Variants in PCP4 observed in about 807,000 individuals in gnomAD.
PCP4 encodes the protein Purkinje cell protein 4, also known as calmodulin regulator protein PCP4.
In PCP4, 8 loss-of-function variants were observed where a neutral mutation model predicts 10.0. The ratio of observed to expected loss-of-function variants is 0.80; its 90% CI spans 0.47 to 1.45. The LOEUF (loss-of-function observed/expected upper bound fraction) is 1.45. Among genes scored for constraint, PCP4 ranks in the 40% most tolerant of loss-of-function variants. The probability of loss-of-function intolerance (pLI) is 0.00; values close to 1 mark genes in which losing one functional copy is unlikely to be tolerated. For synonymous variants in PCP4, 21 were observed against 23.0 expected (o/e 0.91, Z 0.24); for missense variants, 54 against 74.4 (o/e 0.73, Z 1.01).
chr21:39,894,271 C>T (rs1007501787), intron 1 of PCP4, among the ~76,000 whole-genome samples: 1 of 152,108 alleles, frequency 6.6e-6, no homozygotes. Flanking sequence ...CCTGCTTCCC[C>T]AGAAGAAAAG....
intron 2 of PCP4, among the ~76,000 whole-genome samples, chr21:39,903,336 A>AACAC (rs2087489817): frequency 6.6e-6 from 1 of 152,316 alleles, no homozygotes; most frequent in African/African-American, 2.4e-5. Context: ...AAGGTGTATG[A>AACAC]ACACACCTGA....
intron 2 of PCP4, among the ~76,000 whole-genome samples, chr21:39,921,844 G>T (rs1024896453): frequency 6.6e-6 from 1 of 152,162 alleles, no homozygotes; most frequent in African/African-American, 2.4e-5. Context: ...ATTTTGTTAT[G>T]GCAGCCCGAG....
chr21:39,872,301 C>A (rs1437068597), intron 1 of PCP4, among the ~76,000 whole-genome samples: 2 of 152,094 alleles, frequency 1.3e-5, no homozygotes, highest in Non-Finnish European at 2.9e-5. Context: ...ACCCAACCTG[C>A]GTTATTTTTT....
intron 2 of PCP4, among the ~76,000 whole-genome samples, chr21:39,916,352 C>A (rs1048405053): frequency 1.6e-4 from 24 of 152,314 alleles, no homozygotes; most frequent in Non-Finnish European, 3.2e-4. Flanking sequence ...TCTCTCCTCC[C>A]CTGGCCCCAG....
intron 2 of PCP4, among the ~76,000 whole-genome samples, chr21:39,919,925 TG>T (rs147920499): frequency 2.0e-4 from 30 of 150,176 alleles, no homozygotes; most frequent in Non-Finnish European, 4.0e-4. Flanking sequence ...TGGTGAGGTG[TG>T]TTTGTGTATG....
intron 2 of PCP4, among the ~76,000 whole-genome samples, chr21:39,913,261 A>G (rs2087549782): frequency 6.6e-6 from 1 of 152,194 alleles, no homozygotes; most frequent in Non-Finnish European, 1.5e-5. Context: ...AAAAAAGCAA[A>G]TAGAAGTGCT....
At chr21:39,893,638 T>C (rs1365318594) in intron 1 of PCP4, among the ~76,000 whole-genome samples, 1 of 152,228 alleles carries the variant, frequency 6.6e-6, no homozygotes, top group African/African-American at 2.4e-5. Flanking sequence ...GATTGTGAAT[T>C]CTGGTGTTGA....
chr21:39,912,307 G>T, intron 2 of PCP4, among the ~76,000 whole-genome samples: 1 of 127,632 alleles, frequency 7.8e-6, no homozygotes, highest in African/African-American at 3.3e-5. Context: ...TTGGTCTTTT[G>T]AAAGGTTTTT....
At chr21:39,888,312 G>A (rs2087410789) in intron 1 of PCP4, among the ~76,000 whole-genome samples, 1 of 152,228 alleles carries the variant, frequency 6.6e-6, no homozygotes, top group Admixed American at 6.5e-5. Context: ...TTGGGAACGG[G>A]GGGCAAAATT....
intron 1 of PCP4, among the ~76,000 whole-genome samples, chr21:39,890,653 G>A (rs2087425800): frequency 6.6e-6 from 1 of 152,128 alleles, no homozygotes; most frequent in Admixed American, 6.6e-5. Context: ...ACAGGCATGA[G>A]CCACCGTGCC....
chr21:39,869,843 G>A (rs1735948789), intron 1 of PCP4, among the ~76,000 whole-genome samples: 1 of 152,230 alleles, frequency 6.6e-6, no homozygotes, highest in African/African-American at 2.4e-5. Flanking sequence ...AGGCAGAAAT[G>A]GCTTTCAGAT....
At chr21:39,869,380 C>A (rs1174452713) in intron 1 of PCP4, among the ~76,000 whole-genome samples, 1 of 152,252 alleles carries the variant, frequency 6.6e-6, no homozygotes, top group African/African-American at 2.4e-5. Flanking sequence ...GTAATCAGGG[C>A]AGCTCTGTAG....
chr21:39,879,461 A>G (rs1292136716), intron 1 of PCP4, among the ~76,000 whole-genome samples: 4 of 152,020 alleles, frequency 2.6e-5, no homozygotes, highest in Non-Finnish European at 4.4e-5. Context: ...TTTTTTTCTG[A>G]GTTCTTGCTA....
chr21:39,922,113 A>G (rs1032047834), intron 2 of PCP4, among the ~76,000 whole-genome samples: 1 of 152,088 alleles, frequency 6.6e-6, no homozygotes, highest in Non-Finnish European at 1.5e-5. Context: ...CGGCCTCCCA[A>G]AGTGCTAGGA....
intron 1 of PCP4, among the ~76,000 whole-genome samples, chr21:39,875,989 T>G (rs1417208348): frequency 6.6e-6 from 1 of 152,038 alleles, no homozygotes; most frequent in Non-Finnish European, 1.5e-5. Flanking sequence ...AAAGAAGGTT[T>G]AGTTAGTGCT....
At position 39,906,532 on chromosome 21, in the gene PCP4, TCTCC is replaced by T. The variant is rs145162483; in HGVS notation, c.61+8010_61+8013del. Among the ~76,000 whole-genome samples, 2,191 of 152,022 alleles carry T rather than the reference TCTCC, an allele frequency of 0.014. 48 individuals carry two copies. Among genetic ancestry groups the T allele is most frequent in the African/African-American group, 0.051 (2,095 of 41,418 alleles). On this transcript the variant is annotated intron_variant, in intron 2 of 2. Transcript: ENST00000328619. The surrounding 1 kb of genome is among the most constrained non-coding windows in gnomAD (Gnocchi z 6.3). ...TGCCCTCTTCCTCACCCTTTCTCTT[TCTCC>T]CTCCTTCCTTCCTTCCGCTCCTCCT...
intron 1 of PCP4, among the ~76,000 whole-genome samples, chr21:39,888,198 A>T (rs1403152500): frequency 6.6e-6 from 1 of 152,252 alleles, no homozygotes; most frequent in Non-Finnish European, 1.5e-5. Flanking sequence ...AGCACTTGCT[A>T]ACAAGAGCTT....
intron 1 of PCP4, among the ~76,000 whole-genome samples, chr21:39,875,184 CT>C (rs896165965): frequency 1.8e-3 from 272 of 148,942 alleles, no homozygotes; most frequent in African/African-American, 5.7e-3. Flanking sequence ...AGAAATATCA[CT>C]TTTTTTTTTC....
intron 2 of PCP4, among the ~76,000 whole-genome samples, chr21:39,927,892 C>T (rs866664660): frequency 7.2e-5 from 11 of 152,306 alleles, no homozygotes; most frequent in South Asian, 4.1e-4. Context: ...TAGGAGCACC[C>T]TTCCCACTGC....
Sources: gnomAD v4.1 joint callset for allele counts (sites outside exome capture counted in the v4.1 genomes callset) on GRCh38, gnomAD v4.1.1 for gene constraint, Gnocchi (gnomAD v3.1) non-coding constraint, MANE v1.5 for transcripts, NCBI Gene and HGNC (gene_info 2026-07-23, HGNC 2026-07-21) for gene names.